The following CSGALNACT1 variants were observed in gnomAD, a reference collection of about 807,000 sequenced individuals.
The protein encoded by CSGALNACT1 is beta4GalNAcT-1.
A neutral mutation model predicts 51.0 loss-of-function variants in CSGALNACT1; 52 were observed. That is an observed-to-expected ratio of 1.02 (90% CI 0.82 to 1.29). The LOEUF is 1.29. CSGALNACT1 is among the 50% of genes most tolerant of loss of function. The pLI is 0.00. For missense variants in CSGALNACT1, 935 were observed against 679.2 expected (o/e 1.38, Z -4.19); for synonymous variants, 341 against 254.4 (o/e 1.34, Z -3.24).
intron 5 of CSGALNACT1, among the ~76,000 whole-genome samples, chr8:19,450,167 A>G: frequency 1.4e-5 from 1 of 69,842 alleles, no homozygotes; most frequent in Non-Finnish European, 2.8e-5. Flanking sequence ...GAGAGGGAGA[A>G]GGGGGAGAGT....
exon 7 of CSGALNACT1, chr8:19,420,459 T>C: frequency 6.2e-7 from 1 of 1,614,230 alleles, no homozygotes; most frequent in Non-Finnish European, 8.5e-7. Context: ...ATCAAGTCCC[T>C]TTCCCCGAGA....
intron 1 of CSGALNACT1, among the ~76,000 whole-genome samples, chr8:19,740,295 C>G (rs938474619): frequency 9.2e-5 from 14 of 152,168 alleles, no homozygotes; most frequent in Non-Finnish European, 1.5e-5. Flanking sequence ...AGTGTCTCAC[C>G]CGAGTCACAT....
rs529510124 is a variant in CSGALNACT1, at chr8:19,619,416, C to G, written c.-543-17551G>C. ...CTCTGCGAAGGGATGGAGCCATGTCCTAAGTGCAATGGAGTCGCAAAGACC... is the reference window on the plus strand; with the variant it reads ...CTCTGCGAAGGGATGGAGCCATGTCGTAAGTGCAATGGAGTCGCAAAGACC... On this transcript the variant is annotated intron_variant, in intron 1 of 9. Coordinates refer to the CSGALNACT1 transcript ENST00000332246. 9.9e-5 allele frequency among the ~76,000 whole-genome samples: 15 copies of G among 152,144 alleles called. No homozygotes were observed. In the South Asian group the frequency reaches 2.9e-3, roughly 29 times the overall value.
intron 3 of CSGALNACT1, among the ~76,000 whole-genome samples, chr8:19,512,909 GCTGA>G (rs1269782710): frequency 2.6e-5 from 4 of 152,296 alleles, no homozygotes; most frequent in South Asian, 2.1e-4. Context: ...TGTAGAAGTA[GCTGA>G]CTATTACAGC....
intron 9 of CSGALNACT1, among the ~76,000 whole-genome samples, chr8:19,406,650 A>G (rs1181735345): frequency 7.6e-6 from 1 of 131,664 alleles, no homozygotes; most frequent in Non-Finnish European, 1.6e-5. Flanking sequence ...AAAAAAAAAA[A>G]GAGCTTCTAC....
intron 2 of CSGALNACT1, among the ~76,000 whole-genome samples, chr8:19,593,175 C>A (rs977390409): frequency 2.0e-5 from 3 of 152,162 alleles, no homozygotes; most frequent in African/African-American, 7.2e-5. Flanking sequence ...ATCAGAAATA[C>A]GTGGGCTTAA....
chr8:19,616,101 A>T (rs1433785016), intron 1 of CSGALNACT1, among the ~76,000 whole-genome samples: 2 of 152,244 alleles, frequency 1.3e-5, no homozygotes, highest in Non-Finnish European at 2.9e-5. Context: ...ATGATGTGGC[A>T]GTGTTATCAT....
At chr8:19,527,778 G>A (rs1163497423) in intron 3 of CSGALNACT1, among the ~76,000 whole-genome samples, 1 of 152,120 alleles carries the variant, frequency 6.6e-6, no homozygotes, top group Non-Finnish European at 1.5e-5. Flanking sequence ...TATCAAATTT[G>A]GGGAGGAGAT....
Position 19,562,859 on chromosome 8 carries a change from T to C in CSGALNACT1, c.-297+28301A>G, listed in dbSNP as rs185668233. Among the ~76,000 whole-genome samples, 494 of 152,292 alleles carry C rather than the reference T, an allele frequency of 3.2e-3. 5 individuals carry two copies. The highest frequency in any genetic ancestry group is 0.011 in the African/African-American group (477 of 41,578). On this transcript the variant is annotated intron_variant, in intron 3 of 9. Transcript: ENST00000454498. ...TGTAAATTAGTTCAACCATTGTGGA[T>C]GACAGTGTGATGATTCCTCAAAGAT...
chr8:19,622,668 C>G (rs756076839), intron 1 of CSGALNACT1, among the ~76,000 whole-genome samples: 6 of 152,146 alleles, frequency 3.9e-5, no homozygotes, highest in African/African-American at 1.2e-4. Flanking sequence ...TTAAATTAGC[C>G]TTTAGTAAGT....
intron 1 of CSGALNACT1, among the ~76,000 whole-genome samples, chr8:19,656,178 T>A (rs183266204): frequency 3.9e-5 from 6 of 152,204 alleles, no homozygotes; most frequent in Admixed American, 1.3e-4. Flanking sequence ...AAGATAGGAT[T>A]GCCTTTTGCT....
chr8:19,448,491 G>A (rs572037767), intron 5 of CSGALNACT1, among the ~76,000 whole-genome samples: 2 of 152,214 alleles, frequency 1.3e-5, no homozygotes, highest in South Asian at 2.1e-4. Context: ...TAGTTTTTTG[G>A]AAGAAACAGA....
At chr8:19,406,273 C>T (rs1045435464) in intron 9 of CSGALNACT1, among the ~76,000 whole-genome samples, 9 of 152,116 alleles carry the variant, frequency 5.9e-5, no homozygotes, top group Non-Finnish European at 1.2e-4. Flanking sequence ...CAGACAGCAC[C>T]GACTTCTTCA....
At chr8:19,666,898 T>TGAGGAAGG (rs554402840) in intron 1 of CSGALNACT1, among the ~76,000 whole-genome samples, 865 of 46,432 alleles carry the variant, frequency 0.019, 48 homozygotes, top group African/African-American at 0.07. Context: ...AGAGAGGAAG[T>TGAGGAAGG]GAGGAAGGGA....
chr8:19,695,055 G>T (rs2061517778), intron 1 of CSGALNACT1, among the ~76,000 whole-genome samples: 1 of 152,068 alleles, frequency 6.6e-6, no homozygotes, highest in Non-Finnish European at 1.5e-5. Flanking sequence ...CTTTGTATTT[G>T]GATGCTGAGA....
chr8:19,749,932 T>C (rs74550644), intron 1 of CSGALNACT1, among the ~76,000 whole-genome samples: 3 of 152,300 alleles, frequency 2.0e-5, no homozygotes, highest in Non-Finnish European at 4.4e-5. Context: ...TGCACCAATC[T>C]GGAGATGCAC....
chr8:19,724,889 G>A (rs777825566), intron 1 of CSGALNACT1, among the ~76,000 whole-genome samples: 9 of 152,112 alleles, frequency 5.9e-5, no homozygotes, highest in Non-Finnish European at 4.4e-5. Context: ...TGGTGGCCCC[G>A]CATTCTCTTC....
upstream of CSGALNACT1, among the ~76,000 whole-genome samples, chr8:19,683,594 A>C (rs922592536): frequency 6.6e-6 from 1 of 152,198 alleles, no homozygotes; most frequent in Non-Finnish European, 1.5e-5. Flanking sequence ...AATTTGCCAA[A>C]AACACACAAA....
At chr8:19,619,113 C>A (rs1247390046) in intron 1 of CSGALNACT1, among the ~76,000 whole-genome samples, 5 of 152,046 alleles carry the variant, frequency 3.3e-5, no homozygotes, top group African/African-American at 1.2e-4. Context: ...GTGTACAGGG[C>A]ACTACAGAGG....
Sources: allele counts gnomAD v4.1 joint callset (sites outside exome capture counted in the v4.1 genomes callset), GRCh38; gene constraint gnomAD v4.1.1; transcripts MANE v1.5; gene names NCBI Gene and HGNC (gene_info 2026-07-23, HGNC 2026-07-21).